Variants in IGF2BP2 observed in about 807,000 individuals in gnomAD.
IGF2BP2 encodes insulin-like growth factor 2 mRNA-binding protein 2.
Under a neutral mutation model 75.8 loss-of-function variants are expected in IGF2BP2, and 17 were observed. That is an observed-to-expected ratio of 0.22 (90% CI 0.15 to 0.34). IGF2BP2 has a LOEUF of 0.34. IGF2BP2 is among the 10% of genes least tolerant of loss of function. The pLI, the probability that IGF2BP2 is intolerant of heterozygous loss-of-function variation, is 1.00. For missense variants in IGF2BP2, 516 were observed against 772.4 expected (o/e 0.67, Z 3.93); for synonymous variants, 288 against 295.6 (o/e 0.97, Z 0.26).
intron 2 of IGF2BP2, among the ~76,000 whole-genome samples, chr3:185,793,626 C>T (rs970548938): frequency 1.3e-5 from 2 of 152,158 alleles, no homozygotes; most frequent in Non-Finnish European, 2.9e-5. Flanking sequence ...ACACATCAGC[C>T]TAGGTAAGAG....
chr3:185,687,925 G>GT (rs1721377625), intron 6 of IGF2BP2, among the ~76,000 whole-genome samples: 1 of 151,684 alleles, frequency 6.6e-6, no homozygotes, highest in Non-Finnish European at 1.5e-5. Flanking sequence ...ATTTAAACTT[G>GT]TTACATTTTT....
intron 2 of IGF2BP2, 78 bp from the exon 3 acceptor site, chr3:185,698,425 C>T (rs549928695): frequency 2.2e-6 from 3 of 1,345,046 alleles, no homozygotes; most frequent in Middle Eastern, 1.8e-4. Context: ...CGGCTTAAAC[C>T]CGTCATTTGA....
chr3:185,672,507 G>T (rs749531059), intron 10 of IGF2BP2, 34 bp downstream of exon 10: 1 of 1,603,432 alleles, frequency 6.2e-7, no homozygotes, highest in Middle Eastern at 1.7e-4. Context: ...GGTGCCCAGC[G>T]CATAAGCAAA....
chr3:185,815,228 A>C (rs1329859205), intron 2 of IGF2BP2, among the ~76,000 whole-genome samples: 1 of 152,222 alleles, frequency 6.6e-6, no homozygotes, highest in Non-Finnish European at 1.5e-5. Flanking sequence ...TCAAATTATG[A>C]CTAACACTTT....
chr3:185,764,713 G>A (rs1281646280), intron 2 of IGF2BP2, among the ~76,000 whole-genome samples: 6 of 152,314 alleles, frequency 3.9e-5, no homozygotes, highest in Admixed American at 1.3e-4. Context: ...ATTATATTAC[G>A]ATAAAACAGC....
chr3:185,771,430 ACTT>A (rs538547154), intron 2 of IGF2BP2, among the ~76,000 whole-genome samples: 126 of 149,116 alleles, frequency 8.4e-4, no homozygotes, highest in Non-Finnish European at 1.5e-3. Context: ...AAAGAGTAAG[ACTT>A]CGTCTCAAAA....
chr3:185,720,944 G>T (rs1158888630), intron 2 of IGF2BP2, among the ~76,000 whole-genome samples: 2 of 152,154 alleles, frequency 1.3e-5, no homozygotes, highest in Non-Finnish European at 2.9e-5. Context: ...GTCCTTCAAG[G>T]GTAATGTGGT....
chr3:185,656,275 C>T (rs1200963064), intron 12 of IGF2BP2, among the ~76,000 whole-genome samples: 2 of 152,236 alleles, frequency 1.3e-5, no homozygotes, highest in Non-Finnish European at 2.9e-5. Context: ...GGCACAAGGG[C>T]CCCCACACCT....
At chr3:185,764,831 G>A (rs1481124613) in intron 2 of IGF2BP2, among the ~76,000 whole-genome samples, 4 of 152,134 alleles carry the variant, frequency 2.6e-5, no homozygotes, top group Admixed American at 6.6e-5. Context: ...GGCTTTATTT[G>A]TCAAGTCAGT....
At chr3:185,771,434 C>T (rs1318430608) in intron 2 of IGF2BP2, among the ~76,000 whole-genome samples, 12 of 142,996 alleles carry the variant, frequency 8.4e-5, no homozygotes, top group Middle Eastern at 3.7e-3. Context: ...AGTAAGACTT[C>T]GTCTCAAAAA....
chr3:185,719,033 A>G (rs913965657), intron 2 of IGF2BP2, among the ~76,000 whole-genome samples: 1 of 152,188 alleles, frequency 6.6e-6, no homozygotes, highest in Non-Finnish European at 1.5e-5. Flanking sequence ...ATGGTCAGAG[A>G]TGACCTTGGG....
chr3:185,646,218 G>C lies in IGF2BP2; in HGVS notation c.1708-595C>G, dbSNP rs561017003. 2.6e-5 allele frequency among the ~76,000 whole-genome samples: 4 copies of C among 152,264 alleles called. No individual in the cohort carries two copies. The South Asian group carries it at 6.2e-4, about 24-fold the overall frequency. ...AGACAGCAGACAGGGGCGTGGCCAG[G>C]GACTCTGACTGCAGAAGACTCAAGT... On this transcript the variant is annotated intron_variant, in intron 15 of 15. Transcript: ENST00000382199.
chr3:185,643,143 T>A lies in IGF2BP2; in HGVS notation c.*2388A>T, dbSNP rs528881350. Among the ~76,000 whole-genome samples the A allele has an allele frequency of 2.0e-5, 3 of 152,276 alleles. No homozygotes were observed. In the South Asian group the frequency reaches 6.2e-4, roughly 32 times the overall value. ...AGTGAGACACTAAAACGTGTATGAC[T>A]CATTTTATTGCAAAGTTCGCTTTAC... is the stretch of plus-strand genomic sequence containing the variant. On this transcript the variant is annotated 3_prime_UTR_variant, in exon 16 of 16. Transcript: ENST00000382199.
intron 6 of IGF2BP2, among the ~76,000 whole-genome samples, chr3:185,688,838 T>C (rs1051217282): frequency 2.0e-5 from 3 of 152,192 alleles, no homozygotes; most frequent in Non-Finnish European, 2.9e-5. Context: ...CCATAAGACG[T>C]TTTATTCACC....
chr3:185,689,711 G>C (rs944029977), intron 5 of IGF2BP2, 84 bp from the exon 6 acceptor site: 1 of 1,520,364 alleles, frequency 6.6e-7, no homozygotes, highest in Non-Finnish European at 9.1e-7. Context: ...GCTCACGCCT[G>C]TAATCCCAGC....
At chr3:185,706,881 C>T (rs1336250225) in intron 2 of IGF2BP2, among the ~76,000 whole-genome samples, 1 of 151,746 alleles carries the variant, frequency 6.6e-6, no homozygotes, top group African/African-American at 2.4e-5. Context: ...GCTGGGATGA[C>T]AGGAGCGCAC....
intron 2 of IGF2BP2, among the ~76,000 whole-genome samples, chr3:185,705,182 C>T (rs1303458182): frequency 1.3e-5 from 2 of 152,200 alleles, no homozygotes; most frequent in East Asian, 1.9e-4. Context: ...CTGCAACCTC[C>T]GCCTCCCAGG....
At chr3:185,812,374 G>A (rs553575446) in intron 2 of IGF2BP2, among the ~76,000 whole-genome samples, 25 of 152,206 alleles carry the variant, frequency 1.6e-4, no homozygotes, top group Non-Finnish European at 3.1e-4. Context: ...GGAGCTCCCT[G>A]GAAAGTTCCT....
At chr3:185,797,488 T>C (rs576089702) in intron 2 of IGF2BP2, among the ~76,000 whole-genome samples, 1 of 152,368 alleles carries the variant, frequency 6.6e-6, no homozygotes, top group Admixed American at 6.5e-5. Context: ...TAACAACTAA[T>C]GCCTGGTTTT....
Sources: gnomAD v4.1 joint callset for allele counts (sites outside exome capture counted in the v4.1 genomes callset) on GRCh38, gnomAD v4.1.1 for gene constraint, MANE v1.5 for transcripts, NCBI Gene and HGNC (gene_info 2026-07-23, HGNC 2026-07-21) for gene names.